The following GTF3C5 variants were observed in gnomAD, a reference collection of about 807,000 sequenced individuals.
The protein encoded by GTF3C5 is general transcription factor 3C polypeptide 5.
GTF3C5 carries 47 observed loss-of-function variants against 61.0 expected under a neutral mutation model. The ratio of observed to expected loss-of-function variants is 0.77; its 90% CI spans 0.61 to 0.98. GTF3C5 has a LOEUF of 0.98. Ranked by LOEUF, GTF3C5 falls within the 50% of genes least tolerant of loss-of-function variation. GTF3C5 has a pLI of 0.00. For missense variants in GTF3C5, 659 were observed against 703.3 expected, an observed-to-expected ratio of 0.94 and a Z score of 0.71; for synonymous variants, 295 against 275.4, an observed-to-expected ratio of 1.07 and a Z score of -0.71.
In GTF3C5 at chr9:133,034,246, A is replaced by G. The variant is rs562218108; in HGVS notation, c.153+3082A>G. Among the ~76,000 whole-genome samples the G allele has an allele frequency of 3.3e-5, 5 of 152,244 alleles. No homozygotes were observed. In the East Asian group the frequency reaches 7.7e-4, roughly 23 times the overall value. On this transcript the variant is annotated intron_variant, in intron 1 of 10. Transcript: ENST00000372097. ...GGGGGGTTGGCTGTCCGCCTCCCAT[A>G]TTGACTGGTCCACCAAACATTTGCC...
intron 3 of GTF3C5, among the ~76,000 whole-genome samples, chr9:133,050,405 A>G (rs902226393): frequency 6.6e-6 from 1 of 152,248 alleles, no homozygotes. Context: ...GCTGCTGGAC[A>G]TTAGACTCTG....
chr9:133,055,765 G>C, intron 8 of GTF3C5: 1 of 1,346,012 alleles, frequency 7.4e-7, no homozygotes, highest in South Asian at 1.7e-5. Context: ...TGCACGGGCG[G>C]GCTCACCGTT....
Position 133,055,045 on chromosome 9 carries a change from T to C in GTF3C5, c.1167+236T>C, listed in dbSNP as rs1345087568. On this transcript the variant is annotated intron_variant, in intron 8 of 10. Transcript: ENST00000372097. Reference sequence around the variant, plus strand: ...GAGGTGGTGACAAGTCTCAGGGAAGTCTGGCACCAGCAGCTGCATGTGGTT... The same window carrying C: ...GAGGTGGTGACAAGTCTCAGGGAAGCCTGGCACCAGCAGCTGCATGTGGTT... 16 of 1,551,508 alleles carry C rather than the reference T, an allele frequency of 1.0e-5. No homozygotes were observed. The African/African-American group carries it at 1.6e-4, about 16-fold the overall frequency.
intron 9 of GTF3C5, among the ~76,000 whole-genome samples, chr9:133,056,547 C>G (rs559137608): frequency 2.0e-5 from 3 of 152,320 alleles, no homozygotes; most frequent in East Asian, 3.9e-4. Context: ...AGTGGTAACA[C>G]GGCCAGCTTC....
chr9:133,055,682 T>A, intron 8 of GTF3C5: 1 of 985,262 alleles, frequency 1.0e-6, no homozygotes, highest in Non-Finnish European at 1.2e-6. Flanking sequence ...AAGGTCAGAG[T>A]GCAGGAGGGC....
chr9:133,044,108 G>A (rs1489393331), intron 3 of GTF3C5, 182 bp downstream of exon 3: 6 of 359,196 alleles, frequency 1.7e-5, no homozygotes, highest in African/African-American at 9.8e-5. Flanking sequence ...TCGCGTCACT[G>A]CACTCCAGCC....
In GTF3C5 at chr9:133,053,866, G is replaced by A. The variant is rs777347015; in HGVS notation, c.912G>A (p.Gly304=). 1 of 1,613,202 alleles carries A rather than the reference G, an allele frequency of 6.2e-7. No homozygotes were observed. Among genetic ancestry groups the A allele is most frequent in the Non-Finnish European group, 8.5e-7 (1 of 1,179,360 alleles). Residue 304 remains glycine (G), a synonymous_variant, in exon 6 of 11, where the codon GGG becomes GGA. Transcript: ENST00000372097. Reference sequence around the variant, plus strand: ...GGCGCAGCCTATGGATTCGATTTGGGTATGACCCCCGAAAAAACCCAGATG... The same window carrying A: ...GGCGCAGCCTATGGATTCGATTTGGATATGACCCCCGAAAAAACCCAGATG... The part of the protein sequence containing the change: ...GPWRSLWIRF[G]YDPRKNPDAK...
chr9:133,046,957 A>G (rs948429823), intron 3 of GTF3C5, among the ~76,000 whole-genome samples: 1 of 151,984 alleles, frequency 6.6e-6, no homozygotes, highest in African/African-American at 2.4e-5. Flanking sequence ...CTCAAGAGAG[A>G]GTGTGTTATT....
rs964705837 is a variant in GTF3C5 at position 133,031,007 on chromosome 9, C to T, written c.-5C>T. ...ACCCTGGCGGGCCCTGCCAGACGCA[C>T]AGGGATGGCGGCGGAGGCGGCCGAT... On this transcript the variant is annotated 5_prime_UTR_variant, in exon 1 of 11. Transcript: ENST00000372097. The T allele has an allele frequency of 3.7e-6, 6 of 1,612,300 alleles. No individual in the cohort carries two copies. The highest frequency in any genetic ancestry group is 5.1e-6 in the Non-Finnish European group (6 of 1,179,214).
intron 5 of GTF3C5, among the ~76,000 whole-genome samples, chr9:133,052,765 T>C (rs1343499399): frequency 6.6e-6 from 1 of 152,224 alleles, no homozygotes; most frequent in Non-Finnish European, 1.5e-5. Context: ...TCATTTCTTC[T>C]GCCTTGTTGG....
At chr9:133,042,327 C>A (rs754887518) in intron 2 of GTF3C5, 21 bp downstream of exon 2, 3 of 1,478,216 alleles carry the variant, frequency 2.0e-6, no homozygotes, top group Non-Finnish European at 1.9e-6. Flanking sequence ...TCTGCTCTTG[C>A]AATGTCTGGT....
upstream of GTF3C5, chr9:133,030,953 G>T: frequency 6.3e-7 from 1 of 1,577,554 alleles, no homozygotes; most frequent in South Asian, 1.1e-5. Context: ...CAATTGAGGC[G>T]AGGCCTTTGG....
At chr9:133,030,742 A>G (rs1178376937), upstream of GTF3C5, 2 of 573,024 alleles carry the variant, frequency 3.5e-6, no homozygotes, top group Non-Finnish European at 6.4e-6. Context: ...GCTGGCTAGT[A>G]GGAGAGACTG....
rs187088520 is a variant in GTF3C5, at chr9:133,055,125, C to T, written c.1167+316C>T. 4.9e-4 allele frequency: 766 copies of T among 1,548,734 alleles called. 7 individuals carry two copies. The South Asian group carries it at 6.1e-3, about 12-fold the overall frequency. ...CCCCCACTGAGCCACGTGACCACTCCGGGAATGATCGGAATTGGGCACACA... is the reference window on the plus strand; with the variant it reads ...CCCCCACTGAGCCACGTGACCACTCTGGGAATGATCGGAATTGGGCACACA... On this transcript the variant is annotated intron_variant, in intron 8 of 10. Transcript: ENST00000372097.
intron 1 of GTF3C5, among the ~76,000 whole-genome samples, chr9:133,031,764 A>G (rs1279856695): frequency 6.6e-6 from 1 of 152,144 alleles, no homozygotes; most frequent in African/African-American, 2.4e-5. Context: ...CATATTGGCT[A>G]GGGTTGGACC....
chr9:133,056,123 GA>G, intron 9 of GTF3C5, 29 bp downstream of exon 9: 1 of 1,592,142 alleles, frequency 6.3e-7, no homozygotes, highest in Non-Finnish European at 8.6e-7. Flanking sequence ...CTGAGACACT[GA>G]GGGGGGCCCG....
intron 5 of GTF3C5, among the ~76,000 whole-genome samples, chr9:133,053,197 C>G (rs1280486833): frequency 6.6e-6 from 1 of 152,118 alleles, no homozygotes; most frequent in Non-Finnish European, 1.5e-5. Flanking sequence ...CAGAAGATGT[C>G]TCATCGATTA....
intron 2 of GTF3C5, 137 bp from the exon 3 acceptor site, chr9:133,043,591 G>GT: frequency 1.5e-6 from 1 of 674,710 alleles, no homozygotes; most frequent in South Asian, 1.7e-5. Context: ...GGAAGGGTGT[G>GT]TTTTCCTGCC....
At chr9:133,045,221 A>G (rs1850164993) in intron 3 of GTF3C5, among the ~76,000 whole-genome samples, 1 of 152,216 alleles carries the variant, frequency 6.6e-6, no homozygotes, top group Non-Finnish European at 1.5e-5. Flanking sequence ...CCTGTGCAGC[A>G]GCGCTGTGAG....
Sources: gnomAD v4.1 joint callset for allele counts (sites outside exome capture counted in the v4.1 genomes callset) on GRCh38, gnomAD v4.1.1 for gene constraint, MANE v1.5 for transcripts, NCBI Gene and HGNC (gene_info 2026-07-23, HGNC 2026-07-21) for gene names.